TMEM182: variants seen among roughly 807,000 people sequenced by gnomAD.
TMEM182 encodes the protein transmembrane protein 182.
TMEM182 carries 20 observed loss-of-function variants against 26.8 expected under a neutral mutation model. The ratio of observed to expected loss-of-function variants is 0.75; its 90% CI spans 0.53 to 1.09. The LOEUF is 1.09. Ranked by LOEUF, TMEM182 falls within the 50% of genes least tolerant of loss-of-function variation. The pLI is 0.00. For missense variants in TMEM182, 277 were observed against 275.5 expected, an observed-to-expected ratio of 1.01 and a Z score of -0.04; for synonymous variants, 109 against 102.2, an observed-to-expected ratio of 1.07 and a Z score of -0.40.
chr2:102,797,605 A>G lies in TMEM182; in HGVS notation c.332-258A>G, dbSNP rs752021402. Among the ~76,000 whole-genome samples the G allele has an allele frequency of 6.1e-4, 93 of 152,282 alleles. No individual in the cohort carries two copies. In the Middle Eastern group the frequency reaches 0.014, roughly 22 times the overall value. On this transcript the variant is annotated intron_variant, in intron 3 of 4. Coordinates refer to ENST00000412401, the MANE Select transcript of TMEM182 (RefSeq NM_144632.5). The stretch of plus-strand genomic sequence containing the variant: ...AATCGTGATGGAAAAAAGAGCTCCC[A>G]CAGTATATTAAGCATGTGTGTGGTA...
intron 3 of TMEM182, among the ~76,000 whole-genome samples, chr2:102,795,513 T>A (rs1040532547): frequency 6.6e-6 from 1 of 152,198 alleles, no homozygotes; most frequent in Non-Finnish European, 1.5e-5. Context: ...CAGTTTCAAT[T>A]TTAATTCATT....
chr2:102,741,685 C>CCCT, intron 1 of TMEM182, among the ~76,000 whole-genome samples: 1 of 152,136 alleles, frequency 6.6e-6, no homozygotes, highest in East Asian at 1.9e-4. Context: ...GATTATAGAA[C>CCCT]CTTTCCCCTA....
At chr2:102,803,149 G>T (rs117249003) in intron 4 of TMEM182, among the ~76,000 whole-genome samples, 1 of 152,310 alleles carries the variant, frequency 6.6e-6, no homozygotes, top group East Asian at 1.9e-4. Context: ...CACCACAGAG[G>T]CCAAGTTGAG....
At position 102,764,317 on chromosome 2, in the gene TMEM182, T is replaced by G. The variant is rs747428053; in HGVS notation, c.233-12T>G. On this transcript the variant is annotated splice_polypyrimidine_tract_variant and intron_variant, in intron 2 of 4. Coordinates refer to ENST00000412401, the MANE Select transcript of TMEM182 (RefSeq NM_144632.5). ...TCAATAACAAGTGCCATTGTTTTGC[T>G]GTTCTTCCTAGCCAATCAGCCACCG... The G allele has an allele frequency of 1.9e-6, 3 of 1,613,368 alleles. No homozygotes were observed. The East Asian group carries it at 6.7e-5, about 36-fold the overall frequency.
At chr2:102,805,563 AC>A (rs1427000012) in intron 4 of TMEM182, among the ~76,000 whole-genome samples, 2 of 151,614 alleles carry the variant, frequency 1.3e-5, no homozygotes, top group African/African-American at 4.9e-5. Flanking sequence ...ACAACCTTAA[AC>A]TTCAAACTTG....
intron 3 of TMEM182, among the ~76,000 whole-genome samples, chr2:102,839,619 C>T (rs971737094): frequency 2.6e-5 from 4 of 151,956 alleles, no homozygotes; most frequent in African/African-American, 9.7e-5. Context: ...AGCATAAAAA[C>T]AAGAGTGTAG....
intron 3 of TMEM182, among the ~76,000 whole-genome samples, chr2:102,794,649 G>A (rs1248502917): frequency 1.3e-5 from 2 of 152,292 alleles, no homozygotes; most frequent in Admixed American, 1.3e-4. Flanking sequence ...CATTCTTGAT[G>A]AGAAAGTTAG....
chr2:102,748,160 T>C (rs1679772357), intron 1 of TMEM182, among the ~76,000 whole-genome samples: 1 of 152,244 alleles, frequency 6.6e-6, no homozygotes, highest in Non-Finnish European at 1.5e-5. Context: ...ACTTTCCGTG[T>C]AGGCACAAAC....
intron 1 of TMEM182, among the ~76,000 whole-genome samples, chr2:102,745,124 T>G (rs957708706): frequency 1.3e-5 from 2 of 151,888 alleles, no homozygotes; most frequent in African/African-American, 4.8e-5. Flanking sequence ...TCTTTTTTCT[T>G]TATGTTTTTT....
At position 102,764,444 on chromosome 2, in the gene TMEM182, C is replaced by G; in HGVS notation, c.331+17C>G. The G allele has an allele frequency of 1.2e-6, 2 of 1,606,904 alleles. No individual in the cohort carries two copies. Among genetic ancestry groups the G allele is most frequent in the South Asian group, 2.2e-5 (2 of 90,678 alleles). On this transcript the variant is annotated intron_variant, in intron 3 of 4. Transcript: ENST00000412401. ...CTGCAGTTAGTAAGTACCCTCTGTCCTCAGCCTACTTCTAAAAGGGTCTTA... is the reference window on the plus strand; with the variant it reads ...CTGCAGTTAGTAAGTACCCTCTGTCGTCAGCCTACTTCTAAAAGGGTCTTA...
At position 102,817,051 on chromosome 2, in the gene TMEM182, A is replaced by G. The variant is rs1299972233; in HGVS notation, c.*2083A>G. On this transcript the variant is annotated 3_prime_UTR_variant, in exon 5 of 5. Coordinates refer to ENST00000412401, the MANE Select transcript of TMEM182 (RefSeq NM_144632.5). ...ACTATTTTATAGTTGTAATGCATCAATCAAATACATTTCAAGCACATTTCT... is the reference window on the plus strand; with the variant it reads ...ACTATTTTATAGTTGTAATGCATCAGTCAAATACATTTCAAGCACATTTCT... 6.1e-6 allele frequency: 6 copies of G among 985,492 alleles called. No individual in the cohort carries two copies. Among genetic ancestry groups the G allele is most frequent in the Non-Finnish European group, 6.0e-6 (5 of 829,936 alleles). 61.0% of individuals were successfully genotyped at this position (985,492 alleles called of 1,614,324 possible). A position where few individuals can be genotyped will look rare whatever the true frequency, so the allele number is the denominator to read the frequency against.
intron 4 of TMEM182, 69 bp from the exon 5 acceptor site, chr2:102,814,679 T>G: frequency 7.2e-7 from 1 of 1,380,376 alleles, no homozygotes; most frequent in Non-Finnish European, 9.9e-7. Context: ...GGTCAATGAT[T>G]GGTTTAGATA....
chr2:102,817,547 T>C lies in TMEM182; in HGVS notation c.*2579T>C, dbSNP rs1161386636. 3.0e-5 allele frequency: 30 copies of C among 985,286 alleles called. No homozygotes were observed. Among genetic ancestry groups the C allele is most frequent in the Non-Finnish European group, 3.5e-5 (29 of 829,922 alleles). 61.0% of individuals were successfully genotyped at this position (985,286 alleles called of 1,614,324 possible). ...TGATCGTGTACAATTTGAGGGTTGA[T>C]GGTAGGGCTTTCTAAAAAAAGTAAT... On this transcript the variant is annotated 3_prime_UTR_variant, in exon 5 of 5. Transcript: ENST00000412401.
chr2:102,794,638 T>C (rs947324239), intron 3 of TMEM182, among the ~76,000 whole-genome samples: 10 of 152,224 alleles, frequency 6.6e-5, no homozygotes, highest in African/African-American at 2.4e-4. Context: ...TTGGCTTCCA[T>C]CATTCTTGAT....
At chr2:102,803,410 T>C (rs1384061480) in intron 4 of TMEM182, among the ~76,000 whole-genome samples, 1 of 152,066 alleles carries the variant, frequency 6.6e-6, no homozygotes, top group East Asian at 1.9e-4. Flanking sequence ...CTTAATCTAG[T>C]GTAGGAAAGG....
At chr2:102,755,028 G>T (rs191900481) in intron 1 of TMEM182, among the ~76,000 whole-genome samples, 5 of 152,230 alleles carry the variant, frequency 3.3e-5, no homozygotes, top group Admixed American at 3.3e-4. Flanking sequence ...TTAACAGATT[G>T]CTTTTTAATT....
Position 102,815,019 on chromosome 2 carries a change from CT to C in TMEM182, c.*58del, listed in dbSNP as rs985662525. Reference sequence around the variant, plus strand: ...TTGAGAGATTTTAAAACAAGGAATACTTTTTTTCCATTTTGTTTCATTGATC... The same window carrying C: ...TTGAGAGATTTTAAAACAAGGAATACTTTTTTCCATTTTGTTTCATTGATC... On this transcript the variant is annotated 3_prime_UTR_variant, in exon 5 of 5. Transcript: ENST00000412401. 6 of 1,595,424 alleles carry C rather than the reference CT, an allele frequency of 3.8e-6. No individual in the cohort carries two copies. Among genetic ancestry groups the C allele is most frequent in the Admixed American group, 3.5e-5 (2 of 57,448 alleles).
chr2:102,779,891 T>A (rs549091443), intron 3 of TMEM182, among the ~76,000 whole-genome samples: 3 of 152,160 alleles, frequency 2.0e-5, no homozygotes, highest in African/African-American at 7.2e-5. Flanking sequence ...TAATCCCAGC[T>A]ACTCGGGAGG....
chr2:102,805,178 C>T (rs1025899920), intron 4 of TMEM182, among the ~76,000 whole-genome samples: 1 of 152,150 alleles, frequency 6.6e-6, no homozygotes, highest in Non-Finnish European at 1.5e-5. Flanking sequence ...TCTGATTCTT[C>T]CTTGCAAGCT....
Sources: allele counts gnomAD v4.1 joint callset (sites outside exome capture counted in the v4.1 genomes callset), GRCh38; gene constraint gnomAD v4.1.1; transcripts MANE v1.5; gene names NCBI Gene and HGNC (gene_info 2026-07-23, HGNC 2026-07-21).